Variants in ZNF516 observed in about 807,000 individuals in gnomAD.
ZNF516 encodes the protein zinc finger protein 516.
ZNF516 carries 19 observed loss-of-function variants against 79.7 expected under a neutral mutation model. The ratio of observed to expected loss-of-function variants is 0.24; its 90% confidence interval spans 0.17 to 0.35. The LOEUF is 0.35. Among genes scored for constraint, ZNF516 ranks in the 10% least tolerant of loss-of-function variants. The pLI is 1.00. For synonymous variants in ZNF516, 877 were observed against 739.5 expected (o/e 1.19, Z -3.02); for missense variants, 1,678 against 1,679.5 (o/e 1.00, Z 0.02).
chr18:76,418,451 TAACATGCTGTAACACGCTAC>T (rs1452898716), intron 3 of ZNF516, among the ~76,000 whole-genome samples: 1 of 151,406 alleles, frequency 6.6e-6, no homozygotes, highest in East Asian at 1.9e-4. Context: ...ACACATGCTG[TAACATGCTGTAACACGCTAC>T]AACATGCTGT....
At chr18:76,404,945 C>T (rs548269900) in intron 3 of ZNF516, among the ~76,000 whole-genome samples, 2 of 152,260 alleles carry the variant, frequency 1.3e-5, no homozygotes, top group South Asian at 2.1e-4. Context: ...TCCTAAGCCA[C>T]GGTCGATGGT....
intron 1 of ZNF516, among the ~76,000 whole-genome samples, chr18:76,468,716 G>A (rs1015313906): frequency 4.6e-5 from 7 of 152,050 alleles, no homozygotes; most frequent in African/African-American, 1.2e-4. Context: ...CAACGCGCCC[G>A]GCCGTGTTAG....
chr18:76,424,614 C>T (rs1420078536), intron 3 of ZNF516, among the ~76,000 whole-genome samples: 2 of 125,630 alleles, frequency 1.6e-5, no homozygotes, highest in Admixed American at 8.2e-5. Flanking sequence ...CCGAAACACA[C>T]GCAGGTGAAA....
At chr18:76,368,531 C>T (rs532118910) in intron 6 of ZNF516, among the ~76,000 whole-genome samples, 7 of 151,986 alleles carry the variant, frequency 4.6e-5, no homozygotes, top group African/African-American at 1.7e-4. Context: ...AGCTCACCCA[C>T]CGAGATCTTC....
At chr18:76,495,708 G>C (rs986912083), upstream of ZNF516, 1 of 1,192,378 alleles carries the variant, frequency 8.4e-7, no homozygotes, top group South Asian at 1.4e-5. Context: ...ACGTGCTCGG[G>C]ATGCGGGTCC....
In ZNF516 at chr18:76,459,086, G is replaced by A. The variant is rs1046963802; in HGVS notation, c.-158+3942C>T. On this transcript the variant is annotated intron_variant, in intron 2 of 6. Coordinates refer to ENST00000443185, the MANE Select transcript of ZNF516 (RefSeq NM_014643.4). The surrounding 1 kb of genome is among the most constrained non-coding windows in gnomAD (Gnocchi z 5.0). The stretch of plus-strand genomic sequence containing the variant: ...AAATACCCTACCTGGAGGCAAACAC[G>A]CATGTCCACTTCCAACAATCTACCA... 2.0e-5 allele frequency among the ~76,000 whole-genome samples: 3 copies of A among 152,202 alleles called. No individual in the cohort carries two copies. Among genetic ancestry groups the A allele is most frequent in the South Asian group, 2.1e-4 (1 of 4,832 alleles).
intron 3 of ZNF516, among the ~76,000 whole-genome samples, chr18:76,440,599 C>T (rs2075801312): frequency 6.6e-6 from 1 of 152,160 alleles, no homozygotes; most frequent in Admixed American, 6.5e-5. Flanking sequence ...ATTTACATGG[C>T]TATGTGAAAA....
chr18:76,420,181 T>G (rs2075488245), intron 3 of ZNF516, among the ~76,000 whole-genome samples: 1 of 152,220 alleles, frequency 6.6e-6, no homozygotes, highest in Non-Finnish European at 1.5e-5. Context: ...AAGATCTAAG[T>G]CAGCTGCTGG....
At chr18:76,460,298 C>A (rs1184415736) in intron 2 of ZNF516, among the ~76,000 whole-genome samples, 1 of 152,178 alleles carries the variant, frequency 6.6e-6, no homozygotes, top group Non-Finnish European at 1.5e-5. Context: ...AGGGTCAAAG[C>A]TGTGAGCCAC....
intron 2 of ZNF516, among the ~76,000 whole-genome samples, chr18:76,447,314 T>A (rs1338942072): frequency 6.6e-6 from 1 of 152,236 alleles, no homozygotes; most frequent in Non-Finnish European, 1.5e-5. Context: ...CGCCAACCCC[T>A]GTAAGCCAGG....
At chr18:76,491,153 A>C in intron 1 of ZNF516, 6 of 940,864 alleles carry the variant, frequency 6.4e-6, no homozygotes, top group Non-Finnish European at 7.6e-6. Flanking sequence ...ATAGAAACCA[A>C]TTACCTGGGC....
At chr18:76,446,597 G>C (rs1387682468) in intron 2 of ZNF516, among the ~76,000 whole-genome samples, 1 of 152,114 alleles carries the variant, frequency 6.6e-6, no homozygotes, top group Non-Finnish European at 1.5e-5. Flanking sequence ...CCTGAACCCT[G>C]GCCCTCAGGC....
intron 3 of ZNF516, among the ~76,000 whole-genome samples, chr18:76,413,292 C>T (rs1274169060): frequency 6.6e-6 from 1 of 152,218 alleles, no homozygotes; most frequent in Non-Finnish European, 1.5e-5. Flanking sequence ...AATTCTACTA[C>T]TACATGACTT....
chr18:76,458,762 G>A (rs1912902197), intron 2 of ZNF516, among the ~76,000 whole-genome samples: 2 of 150,726 alleles, frequency 1.3e-5, no homozygotes, highest in South Asian at 4.2e-4. Context: ...CGTCGTGCGT[G>A]TGTGTGCCTC....
intron 1 of ZNF516, among the ~76,000 whole-genome samples, chr18:76,482,956 T>C (rs1236263796): frequency 6.6e-6 from 1 of 152,164 alleles, no homozygotes; most frequent in Non-Finnish European, 1.5e-5. Context: ...AATCACCTAG[T>C]ATATAGGTTC....
At chr18:76,473,911 G>GT (rs1568322754) in intron 1 of ZNF516, among the ~76,000 whole-genome samples, 1 of 120,550 alleles carries the variant, frequency 8.3e-6, no homozygotes, top group Non-Finnish European at 1.9e-5. Flanking sequence ...TGTGGGGGGG[G>GT]GGGGGGCTTT....
At chr18:76,426,660 C>T (rs1364739981) in intron 3 of ZNF516, among the ~76,000 whole-genome samples, 3 of 151,958 alleles carry the variant, frequency 2.0e-5, no homozygotes, top group East Asian at 1.9e-4. Context: ...TAAAGAAAGC[C>T]GCAAGAGTCC....
At chr18:76,440,141 G>A (rs1253997650) in intron 3 of ZNF516, among the ~76,000 whole-genome samples, 1 of 152,226 alleles carries the variant, frequency 6.6e-6, no homozygotes, top group Non-Finnish European at 1.5e-5. Flanking sequence ...CAGGAGAAAA[G>A]ACTTGCCTTC....
At chr18:76,480,494 T>TAC (rs910430019) in intron 1 of ZNF516, among the ~76,000 whole-genome samples, 6,244 of 131,008 alleles carry the variant, frequency 0.048, 215 homozygotes, top group African/African-American at 0.12. Context: ...CATATACACA[T>TAC]ACACACACAC....
Sources: allele counts gnomAD v4.1 joint callset (sites outside exome capture counted in the v4.1 genomes callset), GRCh38; gene constraint gnomAD v4.1.1; non-coding constraint Gnocchi (gnomAD v3.1); transcripts MANE v1.5; gene names NCBI Gene and HGNC (gene_info 2026-07-23, HGNC 2026-07-21).